The following SCN9A variants were observed in gnomAD, a reference collection of about 807,000 sequenced individuals.
The protein encoded by SCN9A is sodium channel protein type 9 subunit alpha.
In SCN9A, 131 loss-of-function variants were observed where a neutral mutation model predicts 187.0. That is an observed-to-expected ratio of 0.70 (90% CI 0.61 to 0.81). The LOEUF is 0.81. SCN9A is among the 30% of genes least tolerant of loss of function. The pLI, the probability that SCN9A is intolerant of heterozygous loss-of-function variation, is 0.00. For missense variants in SCN9A, 2,252 were observed against 2,396.6 expected (o/e 0.94, Z 1.26); for synonymous variants, 809 against 808.6 (o/e 1.00, Z -0.01).
intron 24 of SCN9A, among the ~76,000 whole-genome samples, chr2:166,222,698 C>T (rs1225202003): frequency 1.3e-5 from 2 of 148,200 alleles, no homozygotes; most frequent in African/African-American, 2.5e-5. Context: ...TTTGGGAGGC[C>T]GAGACGGGCG....
chr2:166,247,157 C>CAAAAAAAAAAAAAAAAAAAA (rs35833662), intron 18 of SCN9A, among the ~76,000 whole-genome samples: 1 of 41,836 alleles, frequency 2.4e-5, no homozygotes, highest in African/African-American at 1.1e-4. Context: ...CCAAAGCTCT[C>CAAAAAAAAAAAAAAAAAAAA]AAAAAAAAAA....
chr2:166,213,397 AAT>A (rs1694178669), intron 24 of SCN9A, among the ~76,000 whole-genome samples: 1 of 150,242 alleles, frequency 6.7e-6, no homozygotes, highest in Non-Finnish European at 1.5e-5. Context: ...AAATTCCAAA[AAT>A]ATACAACCTA....
Position 166,350,855 on chromosome 2 carries a change from T to C in SCN9A, c.-51+24842A>G, listed in dbSNP as rs184975345. On this transcript the variant is annotated intron_variant, in intron 1 of 26. Coordinates refer to ENST00000642356, the MANE Select transcript of SCN9A (RefSeq NM_001365536.1). The stretch of plus-strand genomic sequence containing the variant: ...GTATTAAAATGTGAAGGGCAGTATA[T>C]TATTAATCAAAAGATGGTTATAACT... 5.1e-3 allele frequency among the ~76,000 whole-genome samples: 772 copies of C among 152,302 alleles called. 2 individuals are homozygous for C. Among genetic ancestry groups the C allele is most frequent in the Middle Eastern group, 0.024 (7 of 294 alleles).
chr2:166,366,728 C>A (rs16852031), intron 1 of SCN9A, among the ~76,000 whole-genome samples: 15,351 of 152,098 alleles, frequency 0.1, 918 homozygotes, highest in East Asian at 0.21. Flanking sequence ...AAAACCTTAA[C>A]CACTTAGTCT....
At position 166,233,348 on chromosome 2, in the gene SCN9A, C is replaced by T; in HGVS notation, c.3916G>A (p.Gly1306Arg). The change falls in exon 21 of 27, where the codon GGA becomes AGA. Residue 1306 changes from glycine (G) to arginine (R), a missense_variant. Transcript: ENST00000642356. Reference protein sequence around the residue: ...RPLRALSRFEGMRVVVNALIG... With the variant: ...RPLRALSRFERMRVVVNALIG... ...GTTTAGTATTTTCTTACCCTCATTC[C>T]TTCAAATCTAGATAAGGCTCTTAGA... 6.5e-7 allele frequency: 1 copy of T among 1,535,574 alleles called. No individual in the cohort carries two copies. The highest frequency in any genetic ancestry group is 8.7e-7 in the Non-Finnish European group (1 of 1,149,016).
chr2:166,281,794 T>C lies in SCN9A; in HGVS notation c.1989A>G (p.Gln663=), dbSNP rs2106478549. 1 of 1,612,070 alleles carries C rather than the reference T, an allele frequency of 6.2e-7. No individual in the cohort carries two copies. The highest frequency in any genetic ancestry group is 8.5e-7 in the Non-Finnish European group (1 of 1,179,156). The change falls in exon 13 of 27, where the codon CAA becomes CAG. Residue 663 remains glutamine, a synonymous_variant. Coordinates refer to ENST00000642356, the MANE Select transcript of SCN9A (RefSeq NM_001365536.1). ...AACTACAACGCCTTTTCTTGTGTAT[T>C]TGATTGGTCGTGCCCTAAAAAAAAA... ...ATSDDSGTTN[Q]IHKKRRCSSY... is the part of the protein sequence containing the mutation.
At chr2:166,375,217 G>A (rs1700659743) in intron 1 of SCN9A, among the ~76,000 whole-genome samples, 1 of 152,164 alleles carries the variant, frequency 6.6e-6, no homozygotes, top group Non-Finnish European at 1.5e-5. Flanking sequence ...CTTAAGGGGT[G>A]CGGGGTTCTT....
Position 166,277,179 on chromosome 2 carries a change from T to C in SCN9A, c.2678A>G (p.Lys893Arg), listed in dbSNP as rs1000128305. The C allele has an allele frequency of 7.4e-6, 12 of 1,613,932 alleles. No individual in the cohort carries two copies. In the African/African-American group the frequency reaches 1.5e-4, roughly 20 times the overall value. The change falls in exon 16 of 27, where the codon AAA (lysine) becomes AGA (arginine). Residue 893 changes from lysine to arginine, a missense_variant. Lys to Arg is a conservative substitution (Grantham distance 26, BLOSUM62 2). Around this residue, in one of 7 missense-constraint regions of SCN9A, gnomAD observed 119 missense variants for 188.7 expected, o/e 0.63. Transcript: ENST00000642356. ...VGMQLFGKSYKECVCKINDDC... is the reference protein window; with the variant it reads ...VGMQLFGKSYRECVCKINDDC... ...ATCATTGATCTTGCAGACACATTCT[T>C]TGTAGCTCTTACCAAAGAGCTGCAT...
chr2:166,370,235 A>ATCATCATCATCATC lies in SCN9A; in HGVS notation c.-51+5461_-51+5462insGATGATGATGATGA, dbSNP rs1553507744. On this transcript the variant is annotated intron_variant, in intron 1 of 26. Coordinates refer to ENST00000642356, the MANE Select transcript of SCN9A (RefSeq NM_001365536.1). Reference sequence around the variant, plus strand: ...TAATAATAATAATAATAATAATAATAATCATCATCATCATCATTAGATAAT... The same window carrying ATCATCATCATCATC: ...TAATAATAATAATAATAATAATAATATCATCATCATCATCATCATCATCATCATCATTAGATAAT... 1.2e-3 allele frequency among the ~76,000 whole-genome samples: 164 copies of ATCATCATCATCATC among 137,142 alleles called. 1 individual carries two copies. The highest frequency in any genetic ancestry group is 3.8e-3 in the African/African-American group (136 of 36,164). The allele number at this position is 137,142 out of a possible 152,430, so 90.0% of individuals were successfully genotyped here.
In SCN9A at chr2:166,195,377, A is replaced by C. The variant is rs935149231; in HGVS notation, c.*3295T>G. On this transcript the variant is annotated 3_prime_UTR_variant, in exon 27 of 27. Transcript: ENST00000642356. ...GGCTATTTATTTATTTTCATGAAGCAATTCTTGATTGTTTTCCTCAAGAAG... is the reference window on the plus strand; with the variant it reads ...GGCTATTTATTTATTTTCATGAAGCCATTCTTGATTGTTTTCCTCAAGAAG... The C allele has an allele frequency of 5.9e-5, 9 of 152,178 alleles. No homozygotes were observed. The highest frequency in any genetic ancestry group is 2.2e-4 in the African/African-American group (9 of 41,442). 9.4% of individuals were successfully genotyped at this position (152,178 alleles called of 1,614,324 possible).
At chr2:166,258,476 G>C (rs1001051155) in intron 17 of SCN9A, among the ~76,000 whole-genome samples, 1 of 151,230 alleles carries the variant, frequency 6.6e-6, no homozygotes, top group African/African-American at 2.4e-5. Flanking sequence ...CATAGGCAAG[G>C]CCTATCAACT....
At chr2:166,253,253 T>C (rs775990233) in intron 17 of SCN9A, among the ~76,000 whole-genome samples, 2 of 151,816 alleles carry the variant, frequency 1.3e-5, no homozygotes, top group African/African-American at 4.8e-5. Context: ...ATGTCTTTCT[T>C]ATAACTGGAG....
At chr2:166,243,996 G>T (rs146664769) in intron 18 of SCN9A, among the ~76,000 whole-genome samples, 1,833 of 152,104 alleles carry the variant, frequency 0.012, 35 homozygotes, top group African/African-American at 0.04. Context: ...GATAAAATCA[G>T]CAGGATTTGG....
At chr2:166,319,817 A>C (rs189320567) in intron 1 of SCN9A, among the ~76,000 whole-genome samples, 41 of 152,236 alleles carry the variant, frequency 2.7e-4, no homozygotes, top group African/African-American at 8.9e-4. Flanking sequence ...TGAGAGGTAG[A>C]GGGGGATTAG....
At chr2:166,254,047 A>G (rs1256020335) in intron 17 of SCN9A, among the ~76,000 whole-genome samples, 1 of 151,794 alleles carries the variant, frequency 6.6e-6, no homozygotes. Context: ...ATGAGCAAGT[A>G]AAAATTCACG....
chr2:166,245,141 T>C (rs935590665), intron 18 of SCN9A, among the ~76,000 whole-genome samples: 1 of 152,044 alleles, frequency 6.6e-6, no homozygotes, highest in Non-Finnish European at 1.5e-5. Context: ...GCTAAAACTA[T>C]ACTTGTTTAT....
chr2:166,209,209 G>A (rs59738348), intron 24 of SCN9A, among the ~76,000 whole-genome samples: 13,159 of 152,116 alleles, frequency 0.087, 608 homozygotes, highest in African/African-American at 0.11. Flanking sequence ...ACATTGTGTC[G>A]GATGGCTGAC....
chr2:166,268,856 T>C (rs566267009), intron 17 of SCN9A, among the ~76,000 whole-genome samples: 2 of 152,058 alleles, frequency 1.3e-5, no homozygotes, highest in South Asian at 4.1e-4. Context: ...ACTTTCAAAG[T>C]TCATAATTAG....
intron 1 of SCN9A, among the ~76,000 whole-genome samples, chr2:166,345,378 G>A (rs1304595329): frequency 3.9e-5 from 6 of 152,026 alleles, no homozygotes; most frequent in Non-Finnish European, 4.4e-5. Context: ...ATTAGAACAT[G>A]TTATTATCCT....
Sources: allele counts gnomAD v4.1 joint callset (sites outside exome capture counted in the v4.1 genomes callset), GRCh38; gene constraint gnomAD v4.1.1; regional missense constraint gnomAD v4.1.1; transcripts MANE v1.5; gene names NCBI Gene and HGNC (gene_info 2026-07-23, HGNC 2026-07-21).